The following GCNT2 variants were observed in gnomAD, a reference collection of about 807,000 sequenced individuals.
GCNT2 encodes the protein glucosaminyl (N-acetyl) transferase 2 (I blood group).
Under a neutral mutation model 34.2 loss-of-function variants are expected in GCNT2, and 34 were observed. The ratio of observed to expected loss-of-function variants is 1.00; its 90% CI spans 0.76 to 1.32. GCNT2 has a LOEUF of 1.32. GCNT2 is among the 40% of genes most tolerant of loss of function. GCNT2 has a pLI of 0.00. For synonymous variants in GCNT2, 212 were observed against 188.0 expected (o/e 1.13, Z -1.04); for missense variants, 584 against 489.4 (o/e 1.19, Z -1.82).
chr6:10,555,994 A>C, intron 3 of GCNT2: 1 of 1,094,462 alleles, frequency 9.1e-7, no homozygotes, highest in South Asian at 2.6e-5. Flanking sequence ...TCATCACTTC[A>C]ACTCTGGCTT....
intron 4 of GCNT2, among the ~76,000 whole-genome samples, chr6:10,625,991 A>G (rs1386823255): frequency 6.6e-6 from 1 of 152,198 alleles, no homozygotes; most frequent in Non-Finnish European, 1.5e-5. Flanking sequence ...TTTCTTTCTC[A>G]AAATATCTTA....
chr6:10,599,585 C>T (rs1482471287), intron 3 of GCNT2, among the ~76,000 whole-genome samples: 1 of 152,066 alleles, frequency 6.6e-6, no homozygotes, highest in East Asian at 1.9e-4. Context: ...GCCAGTGGTC[C>T]CCAGAGAATT....
At chr6:10,595,681 G>GAA (rs71548852) in intron 3 of GCNT2, among the ~76,000 whole-genome samples, 1 of 151,826 alleles carries the variant, frequency 6.6e-6, no homozygotes, top group Non-Finnish European at 1.5e-5. Flanking sequence ...GCCAAGATCT[G>GAA]AAAAAAAATG....
intron 3 of GCNT2, among the ~76,000 whole-genome samples, chr6:10,608,485 C>A (rs1353406514): frequency 6.6e-6 from 1 of 152,196 alleles, no homozygotes; most frequent in Non-Finnish European, 1.5e-5. Context: ...TTCACTCTAC[C>A]TTTTCCACTA....
At chr6:10,543,983 T>A (rs1209689276) in intron 3 of GCNT2, among the ~76,000 whole-genome samples, 1 of 152,110 alleles carries the variant, frequency 6.6e-6, no homozygotes, top group Non-Finnish European at 1.5e-5. Flanking sequence ...AACTCCTAAA[T>A]CCTGTGACCA....
intron 3 of GCNT2, chr6:10,574,718 G>A (rs1479913348): frequency 6.2e-6 from 3 of 486,484 alleles, no homozygotes; most frequent in African/African-American, 5.9e-5. Flanking sequence ...TTACAGTCTA[G>A]AGGTCTTTTA....
intron 3 of GCNT2, among the ~76,000 whole-genome samples, chr6:10,579,231 C>T (rs1021676087): frequency 1.3e-5 from 2 of 152,142 alleles, no homozygotes; most frequent in African/African-American, 4.8e-5. Flanking sequence ...TCTTACAAAA[C>T]TGTTGTCCCA....
chr6:10,523,316 C>G (rs1200716460), intron 1 of GCNT2, among the ~76,000 whole-genome samples: 3 of 151,668 alleles, frequency 2.0e-5, no homozygotes, highest in African/African-American at 7.3e-5. Context: ...ACCCCAGCTG[C>G]TCGGGAGGCT....
chr6:10,589,732 A>C (rs1764550887), intron 3 of GCNT2, among the ~76,000 whole-genome samples: 1 of 152,190 alleles, frequency 6.6e-6, no homozygotes, highest in African/African-American at 2.4e-5. Context: ...TTCCAGAGGT[A>C]CTTTATTATG....
chr6:10,619,057 T>G (rs1765917329), intron 3 of GCNT2: 1 of 152,198 alleles, frequency 6.6e-6, no homozygotes. Flanking sequence ...TCTTCTGATC[T>G]TCTGAAAATG....
At chr6:10,526,312 T>G (rs1211495762) in intron 1 of GCNT2, among the ~76,000 whole-genome samples, 1 of 152,178 alleles carries the variant, frequency 6.6e-6, no homozygotes, top group Non-Finnish European at 1.5e-5. Flanking sequence ...GAGAACTGAC[T>G]CACTGTGTTC....
chr6:10,581,820 C>A (rs1212121710), intron 3 of GCNT2: 1 of 984,694 alleles, frequency 1.0e-6, no homozygotes, highest in Non-Finnish European at 1.2e-6. Flanking sequence ...TCCACAAGAC[C>A]TGCCAAGGAC....
At chr6:10,549,912 C>T (rs1473905504) in intron 3 of GCNT2, among the ~76,000 whole-genome samples, 2 of 152,208 alleles carry the variant, frequency 1.3e-5, no homozygotes, top group East Asian at 3.9e-4. Context: ...TAAATATAAG[C>T]ACCAGGTGTT....
At chr6:10,585,830 G>A (rs1414236495) in intron 3 of GCNT2, 21 of 1,465,676 alleles carry the variant, frequency 1.4e-5, no homozygotes, top group South Asian at 8.6e-5. Flanking sequence ...AGACACCGAA[G>A]CAGAGGATAC....
At chr6:10,574,667 C>A in intron 3 of GCNT2, 2 of 316,540 alleles carry the variant, frequency 6.3e-6, no homozygotes, top group Non-Finnish European at 6.0e-6. Flanking sequence ...TATTTTGGTA[C>A]TGCCCTTGAG....
At chr6:10,608,768 A>C (rs182600523) in intron 3 of GCNT2, among the ~76,000 whole-genome samples, 21 of 152,344 alleles carry the variant, frequency 1.4e-4, no homozygotes, top group African/African-American at 5.1e-4. Flanking sequence ...AGACATTTGC[A>C]TAAGCCAAGG....
chr6:10,545,979 G>A (rs1170859923), intron 3 of GCNT2, among the ~76,000 whole-genome samples: 1 of 152,178 alleles, frequency 6.6e-6, no homozygotes, highest in Non-Finnish European at 1.5e-5. Flanking sequence ...AGCTAGAAAT[G>A]ACTTGATCTT....
chr6:10,559,985 C>T (rs1038352150), intron 3 of GCNT2, among the ~76,000 whole-genome samples: 3 of 152,222 alleles, frequency 2.0e-5, no homozygotes, highest in African/African-American at 4.8e-5. Context: ...TCTAATCCCA[C>T]GCTCGAGTAA....
At chr6:10,581,356 T>C (rs1335749780) in intron 3 of GCNT2, among the ~76,000 whole-genome samples, 1 of 152,132 alleles carries the variant, frequency 6.6e-6, no homozygotes, top group Non-Finnish European at 1.5e-5. Context: ...CTGCAACCTC[T>C]GCCTCCTAGG....
Sources: gnomAD v4.1 joint callset for allele counts (sites outside exome capture counted in the v4.1 genomes callset) on GRCh38, gnomAD v4.1.1 for gene constraint, MANE v1.5 for transcripts, NCBI Gene and HGNC (gene_info 2026-07-23, HGNC 2026-07-21) for gene names.